The following CEP120 variants were observed in gnomAD, a reference collection of about 807,000 sequenced individuals.
CEP120 encodes the protein centrosomal protein 120, also known as centrosomal protein of 120 kDa.
CEP120 carries 113 observed loss-of-function variants against 126.5 expected under a neutral mutation model. The ratio of observed to expected loss-of-function variants is 0.89; its 90% CI spans 0.77 to 1.04. The LOEUF is 1.04. Among genes scored for constraint, CEP120 ranks in the 50% least tolerant of loss-of-function variants. The probability of loss-of-function intolerance (pLI) is 0.00; values close to 1 mark genes in which losing one functional copy is unlikely to be tolerated. For missense variants in CEP120, 1,230 were observed against 1,155.7 expected (o/e 1.06, Z -0.93); for synonymous variants, 400 against 394.3 (o/e 1.01, Z -0.17).
intron 6 of CEP120, among the ~76,000 whole-genome samples, chr5:123,392,612 G>A (rs925053242): frequency 2.0e-5 from 3 of 152,122 alleles, no homozygotes; most frequent in Non-Finnish European, 4.4e-5. Flanking sequence ...CTGGACTCAA[G>A]CAGTCCTTCC....
intron 17 of CEP120, among the ~76,000 whole-genome samples, chr5:123,367,431 T>C (rs1770544680): frequency 6.6e-6 from 1 of 151,900 alleles, no homozygotes; most frequent in African/African-American, 2.4e-5. Flanking sequence ...TGTATGTATA[T>C]ATATCCCTAA....
At chr5:123,419,148 G>A (rs2127142418) in intron 1 of CEP120, among the ~76,000 whole-genome samples, 1 of 152,298 alleles carries the variant, frequency 6.6e-6, no homozygotes, top group South Asian at 2.1e-4. Flanking sequence ...AAGATCCAAG[G>A]TGATGTGAAT....
At chr5:123,361,724 C>A (rs1770088814) in intron 18 of CEP120, among the ~76,000 whole-genome samples, 1 of 151,670 alleles carries the variant, frequency 6.6e-6, no homozygotes. Context: ...CAATTAGGTC[C>A]CCACTGACTG....
intron 3 of CEP120, 44 bp from the exon 4 acceptor site, chr5:123,412,584 G>GA: frequency 7.1e-7 from 1 of 1,407,352 alleles, no homozygotes; most frequent in Non-Finnish European, 9.6e-7. Flanking sequence ...GTTAATAAGG[G>GA]AAAAAACATA....
At chr5:123,352,521 G>A (rs553679883) in intron 18 of CEP120, among the ~76,000 whole-genome samples, 114 of 152,116 alleles carry the variant, frequency 7.5e-4, no homozygotes, top group Middle Eastern at 6.8e-3. Context: ...ATATATGTAT[G>A]TTTTTGTTTC....
chr5:123,353,033 C>T (rs7736021), intron 18 of CEP120, among the ~76,000 whole-genome samples: 108,496 of 151,812 alleles, frequency 0.71, 38,894 homozygotes, highest in African/African-American at 0.75. Context: ...CTTTTTAGCT[C>T]TCTAAATACA....
chr5:123,349,800 AGCT>A (rs1769080007), intron 19 of CEP120, 141 bp downstream of exon 19: 1 of 656,918 alleles, frequency 1.5e-6, no homozygotes, highest in South Asian at 2.2e-5. Context: ...CACAGTACCC[AGCT>A]GGCATAGATT....
Position 123,423,036 on chromosome 5 carries a change from G to T in CEP120, c.-38C>A. The T allele has an allele frequency of 1.9e-6, 3 of 1,579,798 alleles. No homozygotes were observed. The highest frequency in any genetic ancestry group is 2.6e-6 in the Non-Finnish European group (3 of 1,149,458). ...CGGTCCGGGGGCGAAGGCGGCTGGG[G>T]GGAAGTGAGGTCCAGTTGAGTCGCG... is the stretch of plus-strand genomic sequence containing the variant. On this transcript the variant is annotated 5_prime_UTR_variant, in exon 1 of 20. Transcript: ENST00000306467.
intron 16 of CEP120, among the ~76,000 whole-genome samples, chr5:123,376,903 C>T (rs183933468): frequency 2.0e-5 from 3 of 151,968 alleles, no homozygotes; most frequent in Admixed American, 2.0e-4. Context: ...TGCAAAAGAG[C>T]CTGAGGGTGG....
At chr5:123,402,575 C>G (rs1451000073) in intron 4 of CEP120, among the ~76,000 whole-genome samples, 2 of 152,088 alleles carry the variant, frequency 1.3e-5, no homozygotes, top group African/African-American at 4.8e-5. Flanking sequence ...CCAAGCCAGG[C>G]TAATTTTTTC....
At chr5:123,385,671 C>CA (rs1771971752) in intron 10 of CEP120, among the ~76,000 whole-genome samples, 1 of 150,598 alleles carries the variant, frequency 6.6e-6, no homozygotes, top group Non-Finnish European at 1.5e-5. Flanking sequence ...GGCTGCTGTG[C>CA]AATGGCATAA....
chr5:123,355,540 T>C (rs571390083), intron 18 of CEP120, among the ~76,000 whole-genome samples: 18 of 152,356 alleles, frequency 1.2e-4, no homozygotes. Flanking sequence ...TGGCCAGTGA[T>C]GATGAGCATT....
Position 123,386,676 on chromosome 5 carries a change from T to TAAAAA in CEP120, c.1431-14_1431-10dup, listed in dbSNP as rs75744800. On this transcript the variant is annotated splice_polypyrimidine_tract_variant and intron_variant, in intron 9 of 19. Coordinates refer to ENST00000306467, the MANE Select transcript of CEP120 (RefSeq NM_001375405.1). Reference sequence around the variant, plus strand: ...AGAATGGATATGAGTACCTAGAATTTAAAAAAAAAAAAAAAAAAAAAAGCC... The same window carrying TAAAAA: ...AGAATGGATATGAGTACCTAGAATTTAAAAAAAAAAAAAAAAAAAAAAAAAAAGCC... The TAAAAA allele has an allele frequency of 2.8e-5, 17 of 610,992 alleles. No homozygotes were observed. The highest frequency in any genetic ancestry group is 3.0e-5 in the Non-Finnish European group (14 of 467,890). The allele number at this position is 610,992 out of a possible 1,614,324, so 37.8% of individuals were successfully genotyped here. A position where few individuals can be genotyped will look rare whatever the true frequency, so the allele number is the denominator to read the frequency against.
intron 4 of CEP120, among the ~76,000 whole-genome samples, chr5:123,410,643 G>A (rs1773997545): frequency 6.6e-6 from 1 of 152,206 alleles, no homozygotes; most frequent in South Asian, 2.1e-4. Context: ...TGCAAAAAGT[G>A]AGTCTAGACA....
intron 13 of CEP120, 83 bp downstream of exon 13, chr5:123,382,654 T>G: frequency 7.7e-7 from 1 of 1,294,008 alleles, no homozygotes; most frequent in Non-Finnish European, 1.1e-6. Flanking sequence ...CTACAGAACA[T>G]AGAGATTAAA....
intron 14 of CEP120, among the ~76,000 whole-genome samples, chr5:123,379,854 A>T (rs753866904): frequency 6.6e-6 from 1 of 152,102 alleles, no homozygotes; most frequent in Non-Finnish European, 1.5e-5. Context: ...CTTTGAGTCT[A>T]CCTGGCAATA....
At chr5:123,377,247 C>A in intron 16 of CEP120, 127 bp downstream of exon 16, 1 of 821,420 alleles carries the variant, frequency 1.2e-6, no homozygotes. Context: ...AATCTCAGTG[C>A]AATAATATGA....
At position 123,364,602 on chromosome 5, in the gene CEP120, T is replaced by C. The variant is rs374385264; in HGVS notation, c.2482-8A>G. On this transcript the variant is annotated splice_region_variant and splice_polypyrimidine_tract_variant and intron_variant, in intron 17 of 19. Transcript: ENST00000306467. ...CTTTCTTTCAAGTTCAACCTAACAGTGATTAAAATCATATCAAGTGAAACA... is the reference window on the plus strand; with the variant it reads ...CTTTCTTTCAAGTTCAACCTAACAGCGATTAAAATCATATCAAGTGAAACA... 1 of 1,555,102 alleles carries C rather than the reference T, an allele frequency of 6.4e-7. No homozygotes were observed.
intron 4 of CEP120, chr5:123,401,092 C>T (rs535057936): frequency 7.5e-6 from 12 of 1,591,798 alleles, no homozygotes; most frequent in Middle Eastern, 1.9e-4. Context: ...CTTGCATAGC[C>T]GCTGGTGGTC....
Sources: gnomAD v4.1 joint callset for allele counts (sites outside exome capture counted in the v4.1 genomes callset) on GRCh38, gnomAD v4.1.1 for gene constraint, MANE v1.5 for transcripts, NCBI Gene and HGNC (gene_info 2026-07-23, HGNC 2026-07-21) for gene names.